The following CAPZA1 variants were observed in gnomAD, a reference collection of about 807,000 sequenced individuals.
CAPZA1 encodes F-actin-capping protein subunit alpha-1.
CAPZA1 carries 10 observed loss-of-function variants against 40.8 expected under a neutral mutation model. That is an observed-to-expected ratio of 0.25 (90% CI 0.15 to 0.42). The LOEUF (loss-of-function observed/expected upper bound fraction) is 0.42, where lower values mean the gene tolerates loss of function less well. Ranked by LOEUF, CAPZA1 falls within the 10% of genes least tolerant of loss-of-function variation. The pLI is 1.00. For missense variants in CAPZA1, 277 were observed against 353.8 expected (o/e 0.78, Z 1.74); for synonymous variants, 98 against 115.0 (o/e 0.85, Z 0.95).
chr1:112,636,608 C>T (rs1671024735), intron 1 of CAPZA1, among the ~76,000 whole-genome samples: 2 of 151,818 alleles, frequency 1.3e-5, no homozygotes, highest in South Asian at 2.1e-4. Flanking sequence ...GAAATAGGGA[C>T]AGTTTTTTAA....
At chr1:112,641,832 T>C (rs1044323508) in intron 1 of CAPZA1, among the ~76,000 whole-genome samples, 17 of 143,246 alleles carry the variant, frequency 1.2e-4, no homozygotes, top group Middle Eastern at 3.5e-3. Context: ...GAGGTTGCAG[T>C]GAGCTGAGAT....
At chr1:112,639,683 A>G (rs191520333) in intron 1 of CAPZA1, among the ~76,000 whole-genome samples, 1 of 150,500 alleles carries the variant, frequency 6.6e-6, no homozygotes, top group African/African-American at 2.4e-5. Context: ...ATCTTTCTTT[A>G]TTTCCCCTTT....
At chr1:112,669,654 C>A in intron 9 of CAPZA1, 49 bp downstream of exon 9, 1 of 1,309,162 alleles carries the variant, frequency 7.6e-7, no homozygotes, top group Non-Finnish European at 1.1e-6. Context: ...CTTATTATTT[C>A]GCTGTTAGCA....
Position 112,659,783 on chromosome 1 carries a change from A to C in CAPZA1, c.585+4A>C. On this transcript the variant is annotated splice_donor_region_variant and intron_variant, in intron 7 of 9. Transcript: ENST00000263168. Reference sequence around the variant, plus strand: ...GGTTGGCGTGCTTAAGATTCAGGTGAGATTCCAACATGTTTATAGACTTAA... The same window carrying C: ...GGTTGGCGTGCTTAAGATTCAGGTGCGATTCCAACATGTTTATAGACTTAA... 1 of 1,608,442 alleles carries C rather than the reference A, an allele frequency of 6.2e-7. No homozygotes were observed. The highest frequency in any genetic ancestry group is 8.5e-7 in the Non-Finnish European group (1 of 1,175,264).
intron 8 of CAPZA1, 30 bp downstream of exon 8, chr1:112,667,175 A>G (rs1202683708): frequency 1.0e-5 from 15 of 1,461,150 alleles, no homozygotes; most frequent in Non-Finnish European, 1.4e-5. Flanking sequence ...TGTCTGTCTT[A>G]CTCATGTCTC....
chr1:112,660,088 T>C (rs1457825843), intron 7 of CAPZA1, among the ~76,000 whole-genome samples: 1 of 151,978 alleles, frequency 6.6e-6, no homozygotes, highest in Non-Finnish European at 1.5e-5. Context: ...ATAATAATTA[T>C]TATTTTTTGG....
At chr1:112,669,903 A>T in intron 9 of CAPZA1, 89 bp from the exon 10 acceptor site, 1 of 1,419,484 alleles carries the variant, frequency 7.0e-7, no homozygotes, top group Non-Finnish European at 9.9e-7. Flanking sequence ...CAGGGGACTC[A>T]AGCATATCCA....
chr1:112,654,155 A>T (rs1229233741), intron 4 of CAPZA1, among the ~76,000 whole-genome samples: 4 of 152,136 alleles, frequency 2.6e-5, no homozygotes, highest in Non-Finnish European at 5.9e-5. Flanking sequence ...AAAATATGTG[A>T]AAAAAATACA....
chr1:112,621,894 T>A (rs1293856709), intron 1 of CAPZA1, among the ~76,000 whole-genome samples: 1 of 151,522 alleles, frequency 6.6e-6, no homozygotes, highest in Non-Finnish European at 1.5e-5. Context: ...CTCGAGTAGC[T>A]AGGATTACAG....
intron 1 of CAPZA1, among the ~76,000 whole-genome samples, chr1:112,621,197 C>T (rs1223343948): frequency 6.6e-6 from 1 of 152,186 alleles, no homozygotes; most frequent in Non-Finnish European, 1.5e-5. Context: ...TAAGCCTATG[C>T]TGGAAATCGA....
intron 1 of CAPZA1, among the ~76,000 whole-genome samples, chr1:112,635,376 A>T (rs1162153170): frequency 2.0e-5 from 3 of 152,118 alleles, no homozygotes; most frequent in Non-Finnish European, 4.4e-5. Context: ...TTGGCTCCTA[A>T]AGTATACAAA....
intron 1 of CAPZA1, among the ~76,000 whole-genome samples, chr1:112,636,884 G>C (rs558364582): frequency 2.0e-5 from 3 of 152,120 alleles, no homozygotes; most frequent in African/African-American, 4.8e-5. Flanking sequence ...TTTCATCTTA[G>C]CTTTGACCCA....
At chr1:112,640,646 G>A (rs938656130) in intron 1 of CAPZA1, among the ~76,000 whole-genome samples, 14 of 151,974 alleles carry the variant, frequency 9.2e-5, no homozygotes, top group Admixed American at 4.6e-4. Context: ...GGGACGTGAG[G>A]GGTGCCTCTG....
rs116210269 is a variant in CAPZA1, at chr1:112,651,971, A to G, written c.156-1627A>G. ...CCCGATCTCTAAAGAAAATACAGAA[A>G]TTAGCTGGGTGTGGTGGTGCGCATC... On this transcript the variant is annotated intron_variant, in intron 3 of 9. Transcript: ENST00000263168. 4.6e-3 allele frequency among the ~76,000 whole-genome samples: 691 copies of G among 151,792 alleles called. 4 individuals carry two copies. The highest frequency in any genetic ancestry group is 0.016 in the African/African-American group (648 of 41,382).
chr1:112,663,640 T>A (rs1042073661), intron 7 of CAPZA1, among the ~76,000 whole-genome samples: 2 of 152,094 alleles, frequency 1.3e-5, no homozygotes, highest in East Asian at 1.9e-4. Flanking sequence ...TAGCTGGGAT[T>A]ACAGGCACCT....
At chr1:112,646,671 G>T (rs1671286451) in intron 1 of CAPZA1, 2 of 151,576 alleles carry the variant, frequency 1.3e-5, no homozygotes, top group East Asian at 1.9e-4. Context: ...TAAATTAAAG[G>T]TGTTTATTTT....
At chr1:112,645,721 A>G (rs535467601) in intron 1 of CAPZA1, among the ~76,000 whole-genome samples, 2 of 144,800 alleles carry the variant, frequency 1.4e-5, no homozygotes, top group South Asian at 4.5e-4. Context: ...GCTTTGCTCT[A>G]CATACTTGCC....
intron 9 of CAPZA1, 150 bp from the exon 10 acceptor site, chr1:112,669,842 C>T: frequency 1.1e-6 from 1 of 884,628 alleles, no homozygotes; most frequent in African/African-American, 1.7e-5. Flanking sequence ...TGACCTACTT[C>T]AGAGATTGGA....
intron 7 of CAPZA1, among the ~76,000 whole-genome samples, chr1:112,660,799 A>T (rs1297492708): frequency 2.1e-5 from 3 of 145,264 alleles, no homozygotes; most frequent in Non-Finnish European, 3.0e-5. Context: ...GTATTATATT[A>T]TGTGAAGCTG....
Sources: allele counts gnomAD v4.1 joint callset (sites outside exome capture counted in the v4.1 genomes callset), GRCh38; gene constraint gnomAD v4.1.1; transcripts MANE v1.5; gene names NCBI Gene and HGNC (gene_info 2026-07-23, HGNC 2026-07-21).